Variants in SYT7 observed in about 807,000 individuals in gnomAD.
The protein encoded by SYT7 is synaptotagmin-7.
In SYT7, 29 loss-of-function variants were observed where a neutral mutation model predicts 75.1. That is an observed-to-expected ratio of 0.39 (90% CI 0.29 to 0.53). The LOEUF (loss-of-function observed/expected upper bound fraction) is 0.53, where lower values mean the gene tolerates loss of function less well. SYT7 is among the 20% of genes least tolerant of loss of function. The pLI, the probability that SYT7 is intolerant of heterozygous loss-of-function variation, is 0.77. For synonymous variants in SYT7, 376 were observed against 401.7 expected (o/e 0.94, Z 0.76); for missense variants, 693 against 953.2 (o/e 0.73, Z 3.59).
rs777413993 is a variant in SYT7 at position 61,533,050 on chromosome 11, C to T, written c.1139G>A (p.Arg380Gln). The T allele has an allele frequency of 1.5e-5, 24 of 1,613,278 alleles. No homozygotes were observed. Among genetic ancestry groups the T allele is most frequent in the South Asian group, 1.2e-4 (11 of 91,082 alleles). ...TGAGACGGAGGAACGTGGCTCGGTCCGGCGGTCGGACTCATCGTGGGGTGT... is the reference window on the plus strand; with the variant it reads ...TGAGACGGAGGAACGTGGCTCGGTCTGGCGGTCGGACTCATCGTGGGGTGT... Reference protein sequence around the residue: ...GQTPHDESDRRTEPRSSVSDL... With the variant: ...GQTPHDESDRQTEPRSSVSDL... The change falls in exon 8 of 13, where the codon CGG becomes CAG. Residue 380 changes from arginine to glutamine, a missense_variant. Physicochemically the swap from Arg to Gln is conservative, Grantham distance 43. Transcript: ENST00000539008.
chr11:61,570,740 G>A (rs2063899326), intron 1 of SYT7, among the ~76,000 whole-genome samples: 1 of 152,146 alleles, frequency 6.6e-6, no homozygotes, highest in South Asian at 2.1e-4. Context: ...CAATCCATGA[G>A]GTCCAAGACT....
rs375835678 is a variant in SYT7 at position 61,529,380 on chromosome 11, C to A, written c.1201-1195G>T. Among the ~76,000 whole-genome samples, 4 of 152,326 alleles carry A rather than the reference C, an allele frequency of 2.6e-5. No homozygotes were observed. The South Asian group carries it at 8.3e-4, about 32-fold the overall frequency. On this transcript the variant is annotated intron_variant, in intron 8 of 12. Transcript: ENST00000539008. ...CTCTTACCATGACCAGCGACTCTCG[C>A]ATCGCCGTCTCCTTACTGAATCCTG...
At chr11:61,566,270 C>G (rs967900774) in intron 1 of SYT7, among the ~76,000 whole-genome samples, 30 of 152,072 alleles carry the variant, frequency 2.0e-4, no homozygotes, top group African/African-American at 6.8e-4. Flanking sequence ...GCTCAGTGAC[C>G]CCCTCACCTC....
At chr11:61,573,622 A>G (rs2063986725) in intron 1 of SYT7, among the ~76,000 whole-genome samples, 1 of 152,214 alleles carries the variant, frequency 6.6e-6, no homozygotes, top group Non-Finnish European at 1.5e-5. Context: ...CTATTTCAAA[A>G]TGCCAACTCC....
At position 61,542,253 on chromosome 11, in the gene SYT7, AC is replaced by A; in HGVS notation, c.898del (p.Val300TrpfsTer11). On this transcript the variant is annotated frameshift_variant, in exon 6 of 13. Coordinates refer to ENST00000539008, the MANE Select transcript of SYT7 (RefSeq NM_001365809.2). LOFTEE classifies it high-confidence loss of function. The surrounding 1 kb of genome is among the most constrained non-coding windows in gnomAD (Gnocchi z 7.8). ...RSNPGSWDHVVGQIRNRGLDM... is the reference protein window; with the variant it reads ...RSNPGSWDHVXGQIRNRGLDM... ...CAAGCCTCGGTTTCGAATCTGCCCC[AC>A]CACGTGGTCCCAGCTGCCTGGGTTG... is the stretch of plus-strand genomic sequence containing the variant. 1 of 1,535,170 alleles carries A rather than the reference AC, an allele frequency of 6.5e-7. No homozygotes were observed. Among genetic ancestry groups the A allele is most frequent in the Non-Finnish European group, 8.7e-7 (1 of 1,146,464 alleles).
At chr11:61,565,238 T>C (rs1194263579) in intron 1 of SYT7, among the ~76,000 whole-genome samples, 1 of 152,136 alleles carries the variant, frequency 6.6e-6, no homozygotes, top group African/African-American at 2.4e-5. Flanking sequence ...TCCATGCGCA[T>C]GCTGAGCAGA....
intron 2 of SYT7, among the ~76,000 whole-genome samples, chr11:61,555,753 C>G (rs1051535267): frequency 1.3e-5 from 2 of 151,260 alleles, no homozygotes; most frequent in Non-Finnish European, 2.9e-5. Context: ...GCCTGCGGTG[C>G]TTTATGCGGG....
At position 61,514,093 on chromosome 11, in the gene SYT7, G is replaced by C. The variant is rs1362871822; in HGVS notation, c.*4534C>G. Among the ~76,000 whole-genome samples the C allele has an allele frequency of 2.0e-5, 3 of 152,156 alleles. No individual in the cohort carries two copies. Among genetic ancestry groups the C allele is most frequent in the Non-Finnish European group, 4.4e-5 (3 of 68,022 alleles). On this transcript the variant is annotated 3_prime_UTR_variant, in exon 13 of 13. Transcript: ENST00000539008. ...GGAGCATCTCAGAGCAGGCATGGAC[G>C]AAGACAGACCCAGAGAAGCAAAAAT...
In SYT7 at chr11:61,523,015, T is replaced by G; in HGVS notation, c.1956+60A>C. On this transcript the variant is annotated intron_variant, in intron 12 of 12. Transcript: ENST00000539008. This position sits in a 1 kb window ranked among gnomAD's most constrained non-coding sequence, Gnocchi z 5.0. ...CCGTCCACTACCCCCGCTGCTTCTTTTAAGGAACGGAGCCTCACTGGTGCC... is the reference window on the plus strand; with the variant it reads ...CCGTCCACTACCCCCGCTGCTTCTTGTAAGGAACGGAGCCTCACTGGTGCC... 2.5e-6 allele frequency: 4 copies of G among 1,584,292 alleles called. No homozygotes were observed. The highest frequency in any genetic ancestry group is 3.5e-6 in the Non-Finnish European group (4 of 1,154,546).
At position 61,519,222 on chromosome 11, in the gene SYT7, A is replaced by G. The variant is rs557218973; in HGVS notation, c.1957-491T>C. ...TTCAGATGGGGAAACTAAGGTACGA[A>G]GAGTTAAGAGACTTACCCACAGTCA... On this transcript the variant is annotated intron_variant, in intron 12 of 12. Transcript: ENST00000539008. Among the ~76,000 whole-genome samples the G allele has an allele frequency of 4.6e-5, 7 of 152,346 alleles. No individual in the cohort carries two copies. In the South Asian group the frequency reaches 1.5e-3, roughly 32 times the overall value.
intron 1 of SYT7, among the ~76,000 whole-genome samples, chr11:61,570,438 G>A (rs2063892885): frequency 6.6e-6 from 1 of 152,196 alleles, no homozygotes; most frequent in African/African-American, 2.4e-5. Context: ...TAGATACAGT[G>A]TGCCAGCCAC....
intron 7 of SYT7, 119 bp from the exon 8 acceptor site, chr11:61,533,243 C>T (rs765362858): frequency 1.3e-4 from 183 of 1,452,192 alleles, no homozygotes; most frequent in Non-Finnish European, 1.5e-4. Context: ...CCCGGCGGGC[C>T]GGCAGGAGCG....
At chr11:61,538,110 C>T (rs1040226576) in intron 7 of SYT7, 34 bp downstream of exon 7, 194 of 1,521,822 alleles carry the variant, frequency 1.3e-4, no homozygotes, top group Middle Eastern at 6.7e-4. Context: ...CCTTCTCTGC[C>T]GCCGCCGCCG....
intron 2 of SYT7, among the ~76,000 whole-genome samples, chr11:61,555,454 T>TCAGCC (rs2063471808): frequency 1.3e-5 from 2 of 152,094 alleles, no homozygotes; most frequent in Non-Finnish European, 2.9e-5. Context: ...GGCGGGCGGC[T>TCAGCC]CAGCCCCGCT....
intron 3 of SYT7, among the ~76,000 whole-genome samples, chr11:61,549,432 G>A (rs908555269): frequency 1.3e-5 from 2 of 152,216 alleles, no homozygotes; most frequent in Admixed American, 6.5e-5. Flanking sequence ...CCCTTGGTTC[G>A]TGGAATAGCT....
chr11:61,534,028 GC>G (rs2062789871), intron 7 of SYT7, among the ~76,000 whole-genome samples: 1 of 152,144 alleles, frequency 6.6e-6, no homozygotes, highest in Admixed American at 6.5e-5. Flanking sequence ...TGGGTGGTGA[GC>G]CCAGGCTCCG....
At chr11:61,536,434 G>A (rs904218590) in intron 7 of SYT7, among the ~76,000 whole-genome samples, 9 of 152,144 alleles carry the variant, frequency 5.9e-5, no homozygotes, top group Admixed American at 2.6e-4. Context: ...CTTAGTGGGC[G>A]TTCAGAGGAC....
intron 8 of SYT7, among the ~76,000 whole-genome samples, chr11:61,530,680 G>C (rs1037415983): frequency 1.1e-4 from 16 of 152,202 alleles, no homozygotes; most frequent in African/African-American, 3.9e-4. Flanking sequence ...GCTGGCCTCA[G>C]CCCCACCTGA....
chr11:61,569,185 C>T (rs1035912512), intron 1 of SYT7, among the ~76,000 whole-genome samples: 3 of 151,970 alleles, frequency 2.0e-5, no homozygotes, highest in African/African-American at 7.3e-5. Flanking sequence ...TTTTTTTTTC[C>T]AGGCAATTAC....
Sources: gnomAD v4.1 joint callset for allele counts (sites outside exome capture counted in the v4.1 genomes callset) on GRCh38, gnomAD v4.1.1 for gene constraint, Gnocchi (gnomAD v3.1) non-coding constraint, MANE v1.5 for transcripts, NCBI Gene and HGNC (gene_info 2026-07-23, HGNC 2026-07-21) for gene names.